The following RSPO3 variants were observed in gnomAD, a reference collection of about 807,000 sequenced individuals.
RSPO3 encodes R-spondin 3.
Under a neutral mutation model 36.5 loss-of-function variants are expected in RSPO3, and 17 were observed. The observed-to-expected ratio is 0.47, with a 90% CI of 0.32 to 0.70. The LOEUF is 0.70. Ranked by LOEUF, RSPO3 falls within the 30% of genes least tolerant of loss-of-function variation. RSPO3 has a pLI of 0.04. For missense variants in RSPO3, 294 were observed against 322.5 expected (o/e 0.91, Z 0.68); for synonymous variants, 108 against 107.0 (o/e 1.01, Z -0.06).
In RSPO3 at chr6:127,197,526, C is replaced by T. The variant is rs1484501629; in HGVS notation, c.*1519C>T. ...TATCTCTGAGTGTGCAGCACAGAAT[C>T]GCATGACCCACCTTAACCTTCCTGT... On this transcript the variant is annotated 3_prime_UTR_variant, in exon 5 of 5. Coordinates refer to ENST00000356698, the MANE Select transcript of RSPO3 (RefSeq NM_032784.5). The T allele has an allele frequency of 3.9e-6, 6 of 1,550,302 alleles. No individual in the cohort carries two copies. The highest frequency in any genetic ancestry group is 1.2e-5 in the South Asian group (1 of 84,028).
rs1414967305 is a variant in RSPO3 at position 127,198,578 on chromosome 6, G to A, written c.*2571G>A. The stretch of plus-strand genomic sequence containing the variant: ...CGGTAAATTATTGATTCGAAGAATC[G>A]AGAGAGTGCAGCAACATAAATCTGT... On this transcript the variant is annotated 3_prime_UTR_variant, in exon 5 of 5. Transcript: ENST00000356698. Among the ~76,000 whole-genome samples the A allele has an allele frequency of 1.3e-5, 2 of 152,148 alleles. No homozygotes were observed. The highest frequency in any genetic ancestry group is 1.3e-4 in the Admixed American group (2 of 15,284).
At chr6:127,135,300 A>C (rs762220683) in intron 1 of RSPO3, among the ~76,000 whole-genome samples, 7 of 151,900 alleles carry the variant, frequency 4.6e-5, no homozygotes, top group Non-Finnish European at 1.0e-4. Flanking sequence ...ACATGCCTGT[A>C]GTCCCAGCTA....
intron 1 of RSPO3, among the ~76,000 whole-genome samples, chr6:127,128,190 G>T (rs1156983864): frequency 1.3e-5 from 2 of 151,976 alleles, no homozygotes; most frequent in Admixed American, 6.6e-5. Context: ...TTGTTATCCA[G>T]AAAAAGTTAT....
intron 4 of RSPO3, among the ~76,000 whole-genome samples, chr6:127,166,042 T>C (rs763688211): frequency 7.2e-5 from 11 of 151,978 alleles, no homozygotes; most frequent in African/African-American, 2.7e-4. Flanking sequence ...CTTATAGAAA[T>C]AGACATATAA....
intron 1 of RSPO3, among the ~76,000 whole-genome samples, chr6:127,144,656 T>TTTTTTTTTTTTTTTTAATA (rs1554220622): frequency 6.8e-6 from 1 of 147,788 alleles, no homozygotes; most frequent in East Asian, 2.0e-4. Context: ...TTTTTTTTTT[T>TTTTTTTTTTTTTTTTAATA]CAGACAGAGT....
At chr6:127,170,481 A>G (rs1433080065) in intron 4 of RSPO3, among the ~76,000 whole-genome samples, 2 of 151,302 alleles carry the variant, frequency 1.3e-5, no homozygotes, top group African/African-American at 4.8e-5. Flanking sequence ...AAAGTTATAC[A>G]TATATATATA....
intron 4 of RSPO3, among the ~76,000 whole-genome samples, chr6:127,160,311 G>C (rs1273020921): frequency 6.6e-6 from 1 of 152,152 alleles, no homozygotes; most frequent in African/African-American, 2.4e-5. Flanking sequence ...TTTAATAATA[G>C]TAAACTGTAC....
At position 127,196,138 on chromosome 6, in the gene RSPO3, G is replaced by A. The variant is rs1236354816; in HGVS notation, c.*131G>A. 1.9e-5 allele frequency: 13 copies of A among 669,730 alleles called. No individual in the cohort carries two copies. Among genetic ancestry groups the A allele is most frequent in the Non-Finnish European group, 3.0e-5 (13 of 431,426 alleles). 41.5% of individuals were successfully genotyped at this position (669,730 alleles called of 1,614,324 possible). A position where few individuals can be genotyped will look rare whatever the true frequency, so the allele number is the denominator to read the frequency against. On this transcript the variant is annotated 3_prime_UTR_variant, in exon 5 of 5. Coordinates refer to ENST00000356698, the MANE Select transcript of RSPO3 (RefSeq NM_032784.5). ...CTCTGTCTAAACAACATTCCCAGTA[G>A]TTGCTATATTCTTCATACAAGCATA... is the stretch of plus-strand genomic sequence containing the variant.
At position 127,198,814 on chromosome 6, in the gene RSPO3, A is replaced by G. The variant is rs1053338303; in HGVS notation, c.*2807A>G. On this transcript the variant is annotated 3_prime_UTR_variant, in exon 5 of 5. Transcript: ENST00000356698. ...AGTTCCAGACAAGGGAACATTTCAC[A>G]CTTTGTTTACTTCAGGGTGATGTCC... is the stretch of plus-strand genomic sequence containing the variant. 6.6e-6 allele frequency among the ~76,000 whole-genome samples: 1 copy of G among 152,128 alleles called. No individual in the cohort carries two copies. The highest frequency in any genetic ancestry group is 2.4e-5 in the African/African-American group (1 of 41,428).
At chr6:127,131,925 A>G (rs1208730178) in intron 1 of RSPO3, among the ~76,000 whole-genome samples, 1 of 152,156 alleles carries the variant, frequency 6.6e-6, no homozygotes, top group African/African-American at 2.4e-5. Context: ...TTTAAACCTG[A>G]AGCAAATGGA....
intron 4 of RSPO3, among the ~76,000 whole-genome samples, chr6:127,170,741 C>A (rs1310943314): frequency 6.6e-6 from 1 of 151,528 alleles, no homozygotes; most frequent in Non-Finnish European, 1.5e-5. Flanking sequence ...CATAGATAAA[C>A]CTTAAAGACT....
At chr6:127,122,515 T>C (rs1291301863) in intron 1 of RSPO3, among the ~76,000 whole-genome samples, 1 of 152,166 alleles carries the variant, frequency 6.6e-6, no homozygotes, top group Non-Finnish European at 1.5e-5. Context: ...TCTTCCCATC[T>C]TAGAAAGAAA....
At chr6:127,173,630 C>A (rs921717736) in intron 4 of RSPO3, among the ~76,000 whole-genome samples, 6 of 151,950 alleles carry the variant, frequency 3.9e-5, no homozygotes, top group Non-Finnish European at 7.4e-5. Context: ...AATCATTGGA[C>A]ATGCCAGACA....
intron 1 of RSPO3, among the ~76,000 whole-genome samples, chr6:127,120,150 T>C (rs1285640918): frequency 6.6e-6 from 1 of 152,150 alleles, no homozygotes; most frequent in Non-Finnish European, 1.5e-5. Context: ...TAAGACGGTG[T>C]CCTAGCTGGA....
intron 4 of RSPO3, among the ~76,000 whole-genome samples, chr6:127,193,540 T>C (rs2114278785): frequency 6.6e-6 from 1 of 152,304 alleles, no homozygotes; most frequent in Admixed American, 6.5e-5. Flanking sequence ...CTGACAATTT[T>C]TTCGAGTTGA....
intron 1 of RSPO3, among the ~76,000 whole-genome samples, chr6:127,126,609 A>T (rs1467636750): frequency 6.6e-6 from 1 of 152,128 alleles, no homozygotes; most frequent in African/African-American, 2.4e-5. Flanking sequence ...GAGACCTGAA[A>T]AACTATGATA....
chr6:127,148,939 T>C (rs1169941847), intron 2 of RSPO3, 100 bp downstream of exon 2: 2 of 921,860 alleles, frequency 2.2e-6, no homozygotes, highest in East Asian at 2.6e-5. Flanking sequence ...GTTAAGTAAA[T>C]GATAATGTTT....
chr6:127,197,657 C>A lies in RSPO3; in HGVS notation c.*1650C>A. The A allele has an allele frequency of 1.8e-6, 2 of 1,117,564 alleles. No homozygotes were observed. The highest frequency in any genetic ancestry group is 2.5e-6 in the Non-Finnish European group (2 of 808,646). 69.2% of individuals were successfully genotyped at this position (1,117,564 alleles called of 1,614,324 possible). A position where few individuals can be genotyped will look rare whatever the true frequency, so the allele number is the denominator to read the frequency against. ...ATGACTCTGGCTTCTGGCTGCTTAT[C>A]TCTGGACACCCGTTCTCCACCAGTT... On this transcript the variant is annotated 3_prime_UTR_variant, in exon 5 of 5. Coordinates refer to ENST00000356698, the MANE Select transcript of RSPO3 (RefSeq NM_032784.5).
chr6:127,129,293 G>A (rs984406554), intron 1 of RSPO3, among the ~76,000 whole-genome samples: 4 of 151,890 alleles, frequency 2.6e-5, no homozygotes, highest in East Asian at 1.9e-4. Flanking sequence ...CCATTAAATC[G>A]TGTTTATGAG....
Sources: allele counts gnomAD v4.1 joint callset (sites outside exome capture counted in the v4.1 genomes callset), GRCh38; gene constraint gnomAD v4.1.1; transcripts MANE v1.5; gene names NCBI Gene and HGNC (gene_info 2026-07-23, HGNC 2026-07-21).